FAF1: variants seen among roughly 807,000 people sequenced by gnomAD.
The protein encoded by FAF1 is FAS-associated factor 1.
In FAF1, 25 loss-of-function variants were observed where a neutral mutation model predicts 92.5. That is an observed-to-expected ratio of 0.27 (90% CI 0.20 to 0.38). The LOEUF is 0.38. FAF1 is among the 10% of genes least tolerant of loss of function. The pLI is 1.00. For missense variants in FAF1, 636 were observed against 793.3 expected, an observed-to-expected ratio of 0.80 and a Z score of 2.38; for synonymous variants, 234 against 273.2, an observed-to-expected ratio of 0.86 and a Z score of 1.42.
intron 7 of FAF1, among the ~76,000 whole-genome samples, chr1:50,689,567 G>C (rs1656825341): frequency 6.6e-6 from 1 of 152,140 alleles, no homozygotes; most frequent in South Asian, 2.1e-4. Flanking sequence ...CTGGGCGACA[G>C]AGCGAGACTC....
intron 2 of FAF1, among the ~76,000 whole-genome samples, chr1:50,839,098 A>C (rs187777280): frequency 6.6e-6 from 1 of 152,236 alleles, no homozygotes; most frequent in Admixed American, 6.5e-5. Context: ...AGTTTTCTTC[A>C]TAAAAATAAA....
chr1:50,547,868 T>C lies in FAF1; in HGVS notation c.1269-8140A>G, dbSNP rs564092559. 2.6e-5 allele frequency among the ~76,000 whole-genome samples: 4 copies of C among 152,346 alleles called. No individual in the cohort carries two copies. The East Asian group carries it at 7.7e-4, about 29-fold the overall frequency. ...TTTTTTGAGGAACAATAATCATAAA[T>C]AATAATTGGCTTTTTCTTACCACTA... On this transcript the variant is annotated intron_variant, in intron 13 of 18. Coordinates refer to ENST00000396153, the MANE Select transcript of FAF1 (RefSeq NM_007051.3).
intron 8 of FAF1, among the ~76,000 whole-genome samples, chr1:50,603,133 T>C (rs1228992320): frequency 6.6e-6 from 1 of 152,218 alleles, no homozygotes; most frequent in Non-Finnish European, 1.5e-5. Context: ...CTATTAAGGC[T>C]CTAAGATATC....
intron 1 of FAF1, among the ~76,000 whole-genome samples, chr1:50,898,428 T>A (rs1644772716): frequency 6.6e-6 from 1 of 152,226 alleles, no homozygotes; most frequent in Non-Finnish European, 1.5e-5. Flanking sequence ...TTTACGTATA[T>A]TTGAGCTTGT....
At chr1:50,552,856 C>T (rs983374608) in intron 13 of FAF1, among the ~76,000 whole-genome samples, 3 of 152,032 alleles carry the variant, frequency 2.0e-5, no homozygotes, top group Non-Finnish European at 2.9e-5. Flanking sequence ...TAGAGAATCC[C>T]AAATCCCAGT....
At chr1:50,474,343 T>C (rs1416816325) in intron 18 of FAF1, among the ~76,000 whole-genome samples, 3 of 152,198 alleles carry the variant, frequency 2.0e-5, no homozygotes, top group South Asian at 4.1e-4. Context: ...GCTCCAGACA[T>C]GCTCCTATTT....
intron 6 of FAF1, among the ~76,000 whole-genome samples, chr1:50,725,735 C>T (rs769347383): frequency 6.6e-6 from 1 of 152,132 alleles, no homozygotes; most frequent in Non-Finnish European, 1.5e-5. Flanking sequence ...GGATTATAGG[C>T]GTGAGCCACC....
intron 4 of FAF1, among the ~76,000 whole-genome samples, chr1:50,786,574 T>C (rs1039993907): frequency 1.1e-4 from 17 of 152,354 alleles, no homozygotes; most frequent in African/African-American, 3.8e-4. Context: ...TCTCATATTA[T>C]GTGTTTTTTA....
chr1:50,490,071 G>A (rs888305327), intron 17 of FAF1, among the ~76,000 whole-genome samples: 10 of 152,124 alleles, frequency 6.6e-5, no homozygotes, highest in African/African-American at 1.9e-4. Context: ...AATATTAACA[G>A]TTTTGCAGCT....
intron 3 of FAF1, among the ~76,000 whole-genome samples, chr1:50,793,858 T>G (rs977589747): frequency 6.6e-6 from 1 of 152,202 alleles, no homozygotes; most frequent in Non-Finnish European, 1.5e-5. Flanking sequence ...ATAGGTTAAG[T>G]CTCCCTAATC....
intron 7 of FAF1, among the ~76,000 whole-genome samples, chr1:50,656,621 G>A (rs1335915175): frequency 6.6e-6 from 1 of 152,172 alleles, no homozygotes; most frequent in Non-Finnish European, 1.5e-5. Context: ...GGTGGCTCAC[G>A]CCTGTAATCC....
At chr1:50,912,894 T>C (rs77899630) in intron 1 of FAF1, among the ~76,000 whole-genome samples, 1 of 152,348 alleles carries the variant, frequency 6.6e-6, no homozygotes, top group Non-Finnish European at 1.5e-5. Context: ...ACACCAAAAC[T>C]GAATTCTGAT....
At chr1:50,860,451 G>T (rs1644423077) in intron 1 of FAF1, among the ~76,000 whole-genome samples, 1 of 151,840 alleles carries the variant, frequency 6.6e-6, no homozygotes, top group African/African-American at 2.4e-5. Context: ...GACATGAACA[G>T]ACACTTCTCA....
chr1:50,959,279 G>A (rs771083444), intron 1 of FAF1, among the ~76,000 whole-genome samples: 6 of 152,056 alleles, frequency 3.9e-5, no homozygotes, highest in Non-Finnish European at 8.8e-5. Context: ...CTTTGAAAAG[G>A]ACCTCAGTAC....
intron 4 of FAF1, among the ~76,000 whole-genome samples, chr1:50,758,788 C>T (rs1394194632): frequency 6.6e-6 from 1 of 152,192 alleles, no homozygotes; most frequent in African/African-American, 2.4e-5. Flanking sequence ...TCAACACTTA[C>T]TGCATTGCCT....
chr1:50,907,709 T>C (rs985761583), intron 1 of FAF1, among the ~76,000 whole-genome samples: 2 of 152,222 alleles, frequency 1.3e-5, no homozygotes, highest in African/African-American at 2.4e-5. Context: ...TGCATTTCTG[T>C]GGGATTGGTG....
intron 15 of FAF1, among the ~76,000 whole-genome samples, chr1:50,498,144 G>C (rs1646923721): frequency 6.6e-6 from 1 of 152,036 alleles, no homozygotes; most frequent in Admixed American, 6.6e-5. Flanking sequence ...AGGGTGGCAA[G>C]ACCATTCAAT....
rs189418216 is a variant in FAF1 at position 50,788,119 on chromosome 1, G to A, written c.248C>T (p.Ala83Val). 14 of 1,614,082 alleles carry A rather than the reference G, an allele frequency of 8.7e-6. No individual in the cohort carries two copies. The highest frequency in any genetic ancestry group is 5.5e-5 in the South Asian group (5 of 91,080). ...ASAPTSSSSS[A>V]FRPVMPSRQI... The stretch of plus-strand genomic sequence containing the variant: ...CCTGGATGGCATTACAGGTCGAAAC[G>A]CTGAAGAAGAAGAGGAAGTAGGAGC... The change falls in exon 4 of 19, where the codon GCG (alanine) becomes GTG (valine). Residue 83 changes from alanine (A) to valine (V), a missense_variant. Transcript: ENST00000396153.
At chr1:50,581,009 A>T (rs1650965234) in intron 12 of FAF1, among the ~76,000 whole-genome samples, 1 of 152,186 alleles carries the variant, frequency 6.6e-6, no homozygotes, top group Admixed American at 6.5e-5. Flanking sequence ...TCCTGAGCTC[A>T]AGTGATCCAC....
Sources: gnomAD v4.1 joint callset for allele counts (sites outside exome capture counted in the v4.1 genomes callset) on GRCh38, gnomAD v4.1.1 for gene constraint, MANE v1.5 for transcripts, NCBI Gene and HGNC (gene_info 2026-07-23, HGNC 2026-07-21) for gene names.